Variants in RGS17 observed in about 807,000 individuals in gnomAD.
The protein encoded by RGS17 is regulator of G protein signaling 17.
Under a neutral mutation model 25.5 loss-of-function variants are expected in RGS17, and 12 were observed. That is an observed-to-expected ratio of 0.47 (90% CI 0.30 to 0.76). RGS17 has a LOEUF of 0.76. Among genes scored for constraint, RGS17 ranks in the 30% least tolerant of loss-of-function variants. The probability of loss-of-function intolerance (pLI) is 0.07; values close to 1 mark genes in which losing one functional copy is unlikely to be tolerated. For synonymous variants in RGS17, 71 were observed against 76.9 expected, an observed-to-expected ratio of 0.92 and a Z score of 0.40; for missense variants, 196 against 242.2, an observed-to-expected ratio of 0.81 and a Z score of 1.27.
chr6:153,127,172 G>A (rs6932847), intron 1 of RGS17, among the ~76,000 whole-genome samples: 49,936 of 152,032 alleles, frequency 0.33, 8,753 homozygotes, highest in East Asian at 0.67. Flanking sequence ...TGATCAGACA[G>A]GAGGAGGAGC....
intron 1 of RGS17, among the ~76,000 whole-genome samples, chr6:153,070,685 G>A (rs1006395762): frequency 1.7e-5 from 2 of 116,502 alleles, no homozygotes; most frequent in Admixed American, 8.1e-5. Context: ...GTGTGTGTGT[G>A]TGTGTGTGTG....
rs112289739 is a variant in RGS17, at chr6:153,129,930, C to T, written c.-26+1194G>A. On this transcript the variant is annotated intron_variant, in intron 1 of 4. Coordinates refer to ENST00000206262, the MANE Select transcript of RGS17 (RefSeq NM_012419.5). ...TCCGGGCGAGGCGCAGGGCTCAGGG[C>T]GCAGGGCGGGTCCCGTACGCAGGGC... Among the ~76,000 whole-genome samples the T allele has an allele frequency of 5.8e-3, 889 of 152,236 alleles. 5 individuals are homozygous for T. The highest frequency in any genetic ancestry group is 0.01 in the Non-Finnish European group (704 of 67,996).
At chr6:153,109,856 C>T (rs1777442091) in intron 1 of RGS17, among the ~76,000 whole-genome samples, 1 of 152,238 alleles carries the variant, frequency 6.6e-6, no homozygotes, top group South Asian at 2.1e-4. Context: ...AAACTGCAAA[C>T]TTGCCCCCTG....
chr6:153,086,606 A>G (rs1394165552), intron 1 of RGS17, among the ~76,000 whole-genome samples: 1 of 152,332 alleles, frequency 6.6e-6, no homozygotes, highest in Admixed American at 6.5e-5. Flanking sequence ...AGCAGGCAAA[A>G]TTCTAAGCAC....
At chr6:153,078,935 A>G (rs1326929073) in intron 1 of RGS17, among the ~76,000 whole-genome samples, 1 of 35,086 alleles carries the variant, frequency 2.9e-5, no homozygotes, top group Non-Finnish European at 7.8e-5. Context: ...AGTAGTTAAG[A>G]AAAAAAAAAT....
intron 1 of RGS17, among the ~76,000 whole-genome samples, chr6:153,112,993 CTA>C (rs1317628372): frequency 6.6e-6 from 1 of 152,156 alleles, no homozygotes; most frequent in Non-Finnish European, 1.5e-5. Flanking sequence ...CCCATCAACA[CTA>C]TGAAGAAACT....
intron 1 of RGS17, among the ~76,000 whole-genome samples, chr6:153,080,752 C>A (rs990189740): frequency 6.6e-6 from 1 of 151,840 alleles, no homozygotes; most frequent in Non-Finnish European, 1.5e-5. Flanking sequence ...GCATTGAATG[C>A]TGTAAAATGT....
intron 1 of RGS17, among the ~76,000 whole-genome samples, chr6:153,089,023 G>A (rs1051380041): frequency 1.1e-4 from 17 of 152,038 alleles, no homozygotes; most frequent in Non-Finnish European, 2.4e-4. Context: ...GTGACTATGT[G>A]TTTGCAGAAT....
chr6:153,014,484 C>T, intron 4 of RGS17, among the ~76,000 whole-genome samples: 1 of 152,152 alleles, frequency 6.6e-6, no homozygotes, highest in South Asian at 2.1e-4. Flanking sequence ...GTAATTTCAA[C>T]TCACAAGTAT....
chr6:153,096,316 T>C (rs1314650978), intron 1 of RGS17, among the ~76,000 whole-genome samples: 3 of 152,216 alleles, frequency 2.0e-5, no homozygotes, highest in African/African-American at 4.8e-5. Flanking sequence ...TGCTGTGTAA[T>C]ATAGAAATGT....
chr6:153,117,566 T>C (rs894932677), intron 1 of RGS17, among the ~76,000 whole-genome samples: 2 of 152,254 alleles, frequency 1.3e-5, no homozygotes, highest in Non-Finnish European at 2.9e-5. Flanking sequence ...TTCATATTAG[T>C]ACCATTAATA....
intron 1 of RGS17, among the ~76,000 whole-genome samples, chr6:153,075,400 C>G (rs1332539645): frequency 1.3e-5 from 2 of 152,208 alleles, no homozygotes; most frequent in Non-Finnish European, 2.9e-5. Flanking sequence ...CCAAGAGATA[C>G]TGGCTTCTGT....
intron 1 of RGS17, among the ~76,000 whole-genome samples, chr6:153,111,252 G>A (rs926898808): frequency 6.6e-6 from 1 of 152,144 alleles, no homozygotes; most frequent in East Asian, 1.9e-4. Flanking sequence ...GAGCTTAGTC[G>A]GGGGAGGGGC....
intron 1 of RGS17, among the ~76,000 whole-genome samples, chr6:153,120,696 G>A (rs6927516): frequency 0.46 from 69,644 of 151,956 alleles, 16,582 homozygotes; most frequent in East Asian, 0.85. Context: ...TCTGATATTA[G>A]CAGCTGCCAG....
chr6:153,054,903 A>G (rs979759429), intron 1 of RGS17, among the ~76,000 whole-genome samples: 23 of 152,156 alleles, frequency 1.5e-4, no homozygotes, highest in Admixed American at 1.3e-4. Context: ...TCTGACTGAT[A>G]GAGAATTCTC....
At chr6:153,129,407 G>A (rs888899707) in intron 1 of RGS17, among the ~76,000 whole-genome samples, 3 of 152,202 alleles carry the variant, frequency 2.0e-5, no homozygotes, top group African/African-American at 7.2e-5. Context: ...TCTCACTACA[G>A]AAGACTTCGG....
intron 1 of RGS17, among the ~76,000 whole-genome samples, chr6:153,120,532 G>T (rs1039073334): frequency 6.6e-6 from 1 of 152,058 alleles, no homozygotes; most frequent in Non-Finnish European, 1.5e-5. Flanking sequence ...CTCTCACCTG[G>T]ACAGCTGAAA....
chr6:153,037,816 T>C (rs1190129147), intron 2 of RGS17, among the ~76,000 whole-genome samples: 5 of 152,214 alleles, frequency 3.3e-5, no homozygotes, highest in Non-Finnish European at 7.3e-5. Context: ...TGAATTCAAA[T>C]ACAAGATCTA....
At chr6:153,022,347 A>C (rs1294204045) in intron 4 of RGS17, among the ~76,000 whole-genome samples, 2 of 152,240 alleles carry the variant, frequency 1.3e-5, no homozygotes, top group African/African-American at 4.8e-5. Context: ...AAGCTCCATC[A>C]ATCAGTGACA....
Sources: allele counts gnomAD v4.1 joint callset (sites outside exome capture counted in the v4.1 genomes callset), GRCh38; gene constraint gnomAD v4.1.1; transcripts MANE v1.5; gene names NCBI Gene and HGNC (gene_info 2026-07-23, HGNC 2026-07-21).